Variants in PLAAT5 observed in about 807,000 individuals in gnomAD.
PLAAT5 encodes the protein phospholipase A and acyltransferase 5, also known as Ca(2+)-independent N-acyltransferase.
PLAAT5 carries 27 observed loss-of-function variants against 27.8 expected under a neutral mutation model. The observed-to-expected ratio is 0.97, with a 90% CI of 0.72 to 1.34. PLAAT5 has a LOEUF of 1.34. PLAAT5 is among the 40% of genes most tolerant of loss of function. The pLI is 0.00. For synonymous variants in PLAAT5, 125 were observed against 136.1 expected, an observed-to-expected ratio of 0.92 and a Z score of 0.57; for missense variants, 368 against 343.8, an observed-to-expected ratio of 1.07 and a Z score of -0.56.
At chr11:63,483,833 A>G (rs1257081362) in intron 3 of PLAAT5, among the ~76,000 whole-genome samples, 26 of 117,532 alleles carry the variant, frequency 2.2e-4, no homozygotes, top group East Asian at 2.3e-4. Flanking sequence ...ATATATATAT[A>G]TATATATATA....
intron 5 of PLAAT5, among the ~76,000 whole-genome samples, chr11:63,465,561 G>T (rs2015838444): frequency 6.6e-6 from 1 of 151,974 alleles, no homozygotes; most frequent in South Asian, 2.1e-4. Context: ...GGAGGTCGAA[G>T]TGGAGGATCA....
At chr11:63,468,984 G>T (rs2120232755) in intron 3 of PLAAT5, among the ~76,000 whole-genome samples, 1 of 152,054 alleles carries the variant, frequency 6.6e-6, no homozygotes, top group Non-Finnish European at 1.5e-5. Flanking sequence ...CCTCTGCAGG[G>T]CCCCCACGTG....
In PLAAT5 at chr11:63,477,961, A is replaced by G. The variant is rs138385481; in HGVS notation, c.346-9496T>C. 5.3e-3 allele frequency among the ~76,000 whole-genome samples: 813 copies of G among 152,274 alleles called. 14 individuals are homozygous for G. Among genetic ancestry groups the G allele is most frequent in the African/African-American group, 0.018 (749 of 41,546 alleles). On this transcript the variant is annotated intron_variant, in intron 3 of 5. Transcript: ENST00000540857. ...TGTGAATGTGTATGCAGCCTTGTGCATACCTTCTAGACCACCAGACACATG... is the reference window on the plus strand; with the variant it reads ...TGTGAATGTGTATGCAGCCTTGTGCGTACCTTCTAGACCACCAGACACATG...
chr11:63,478,302 C>T lies in PLAAT5; in HGVS notation c.346-9837G>A, dbSNP rs181770225. Among the ~76,000 whole-genome samples, 324 of 151,490 alleles carry T rather than the reference C, an allele frequency of 2.1e-3. 1 individual carries two copies. The highest frequency in any genetic ancestry group is 7.1e-3 in the African/African-American group (294 of 41,462). ...TAAAACACTACAGACTTCCACTGTT[C>T]TTTCTGAGAACCAATAGACTTTCTT... On this transcript the variant is annotated intron_variant, in intron 3 of 5. Transcript: ENST00000540857.
At chr11:63,471,029 G>T (rs1357184345) in intron 3 of PLAAT5, 1 of 152,128 alleles carries the variant, frequency 6.6e-6, no homozygotes, top group African/African-American at 2.4e-5. Context: ...GAACATCAGA[G>T]AATTTATGTT....
chr11:63,489,842 C>T (rs1487266871), intron 2 of PLAAT5, among the ~76,000 whole-genome samples: 1 of 152,152 alleles, frequency 6.6e-6, no homozygotes, highest in Non-Finnish European at 1.5e-5. Flanking sequence ...CAGTAGAGCT[C>T]CTCTCCAAAA....
chr11:63,471,348 T>C (rs2016020802), intron 3 of PLAAT5, among the ~76,000 whole-genome samples: 1 of 152,230 alleles, frequency 6.6e-6, no homozygotes, highest in African/African-American at 2.4e-5. Context: ...TGAAGAGTTA[T>C]AATTACAAAG....
chr11:63,484,668 C>T (rs1481641529), intron 3 of PLAAT5, among the ~76,000 whole-genome samples: 1 of 152,146 alleles, frequency 6.6e-6, no homozygotes, highest in Non-Finnish European at 1.5e-5. Context: ...CCATCTACGA[C>T]AAACCCACAG....
chr11:63,483,783 AAATATATATATATATATGT>A lies in PLAAT5; in HGVS notation c.345+5069_345+5087del, dbSNP rs1199411591. On this transcript the variant is annotated intron_variant, in intron 3 of 5. Coordinates refer to ENST00000540857, the MANE Select transcript of PLAAT5 (RefSeq NM_001146729.2). Reference sequence around the variant, plus strand: ...AGTAAATGAAATTGAAGCAAAAAAAAAATATATATATATATATGTATATATATATATATATATATATATA... The same window carrying A: ...AGTAAATGAAATTGAAGCAAAAAAAAATATATATATATATATATATATATA... Among the ~76,000 whole-genome samples, 87 of 96,184 alleles carry A rather than the reference AAATATATATATATATATGT, an allele frequency of 9.0e-4. 3 individuals carry two copies. Among genetic ancestry groups the A allele is most frequent in the African/African-American group, 4.2e-3 (83 of 19,834 alleles). 63.1% of individuals were successfully genotyped at this position (96,184 alleles called of 152,430 possible).
intron 3 of PLAAT5, among the ~76,000 whole-genome samples, chr11:63,468,903 G>A (rs1341162300): frequency 1.3e-5 from 2 of 152,012 alleles, no homozygotes; most frequent in African/African-American, 4.8e-5. Context: ...GTGGGTGTGT[G>A]GACATCTAGT....
In PLAAT5 at chr11:63,487,193, A is replaced by G. The variant is rs138964446; in HGVS notation, c.345+1678T>C. Among the ~76,000 whole-genome samples the G allele has an allele frequency of 1.2e-3, 182 of 152,364 alleles. 1 individual carries two copies. Among genetic ancestry groups the G allele is most frequent in the African/African-American group, 4.2e-3 (174 of 41,586 alleles). On this transcript the variant is annotated intron_variant, in intron 3 of 5. Transcript: ENST00000540857. ...ATGGAGAGAAAATATTATAAAGTATATATCTGATGACGTACTTGTATACAG... is the reference window on the plus strand; with the variant it reads ...ATGGAGAGAAAATATTATAAAGTATGTATCTGATGACGTACTTGTATACAG...
intron 3 of PLAAT5, among the ~76,000 whole-genome samples, chr11:63,484,666 G>A (rs1199637720): frequency 2.0e-5 from 3 of 152,184 alleles, no homozygotes; most frequent in Middle Eastern, 3.4e-3. Context: ...AGCCATCTAC[G>A]ACAAACCCAC....
intron 3 of PLAAT5, among the ~76,000 whole-genome samples, chr11:63,476,589 G>A (rs1426656461): frequency 2.6e-5 from 4 of 151,808 alleles, no homozygotes; most frequent in African/African-American, 7.3e-5. Flanking sequence ...GTTTTTTATT[G>A]TGCATCTCTT....
At chr11:63,489,697 G>A (rs59008891) in intron 2 of PLAAT5, among the ~76,000 whole-genome samples, 2,129 of 152,248 alleles carry the variant, frequency 0.014, 46 homozygotes, top group African/African-American at 0.049. Context: ...GGTCAAGAAG[G>A]TGAAAGGACA....
At chr11:63,484,066 C>T (rs1202616297) in intron 3 of PLAAT5, among the ~76,000 whole-genome samples, 1 of 149,216 alleles carries the variant, frequency 6.7e-6, no homozygotes, top group African/African-American at 2.5e-5. Flanking sequence ...AATATGCAAC[C>T]CTCCTAGATT....
chr11:63,490,193 C>A (rs1356851007), intron 2 of PLAAT5, 50 bp downstream of exon 2: 1 of 1,612,818 alleles, frequency 6.2e-7, no homozygotes, highest in East Asian at 2.2e-5. Context: ...CAAGTCAATT[C>A]TCCAAAAGAT....
intron 3 of PLAAT5, chr11:63,469,503 G>T (rs1196591248): frequency 8.3e-6 from 2 of 240,500 alleles, no homozygotes; most frequent in Non-Finnish European, 1.9e-5. Context: ...CAAGACCTTT[G>T]GCCAAAACAG....
At chr11:63,481,232 G>T (rs2016276957) in intron 3 of PLAAT5, among the ~76,000 whole-genome samples, 1 of 152,120 alleles carries the variant, frequency 6.6e-6, no homozygotes, top group Non-Finnish European at 1.5e-5. Flanking sequence ...CTGAGCTCAG[G>T]CGTTCAAGAC....
At position 63,466,358 on chromosome 11, in the gene PLAAT5, C is replaced by T. The variant is rs1440379892; in HGVS notation, c.469G>A (p.Val157Met). Residue 157 changes from valine (V) to methionine (M), a missense_variant, in exon 5 of 6, where the codon GTG (valine) becomes ATG (methionine). By Grantham distance (21) the Val-to-Met change is conservative. Coordinates refer to ENST00000540857, the MANE Select transcript of PLAAT5 (RefSeq NM_001146729.2). ...CTAAAGATGGAAGTAATGCTGCCCA[C>T]CTCAAACTCCTCACCTGGAGACCAA... ...HLAPPSEEFE[V>M]GSITSIFSNR... 3 of 1,613,832 alleles carry T rather than the reference C, an allele frequency of 1.9e-6. No individual in the cohort carries two copies. Among genetic ancestry groups the T allele is most frequent in the African/African-American group, 1.3e-5 (1 of 74,874 alleles).
Sources: gnomAD v4.1 joint callset for allele counts (sites outside exome capture counted in the v4.1 genomes callset) on GRCh38, gnomAD v4.1.1 for gene constraint, MANE v1.5 for transcripts, NCBI Gene and HGNC (gene_info 2026-07-23, HGNC 2026-07-21) for gene names.